Variants in ABAT observed in about 807,000 individuals in gnomAD.
ABAT encodes 4-aminobutyrate aminotransferase, also known as 4-aminobutyrate aminotransferase, mitochondrial.
ABAT carries 45 observed loss-of-function variants against 64.6 expected under a neutral mutation model. That is an observed-to-expected ratio of 0.70 (90% CI 0.55 to 0.89). The LOEUF is 0.89. Among genes scored for constraint, ABAT ranks in the 40% least tolerant of loss-of-function variants. ABAT has a pLI of 0.00. For synonymous variants in ABAT, 297 were observed against 250.5 expected (o/e 1.19, Z -1.75); for missense variants, 633 against 658.4 (o/e 0.96, Z 0.42).
chr16:8,759,740 C>A (rs912902984), intron 6 of ABAT, among the ~76,000 whole-genome samples: 1 of 152,126 alleles, frequency 6.6e-6, no homozygotes, highest in African/African-American at 2.4e-5. Flanking sequence ...GATGGGGTTT[C>A]ACCATGTTGC....
intron 1 of ABAT, among the ~76,000 whole-genome samples, chr16:8,735,062 T>C (rs1267884674): frequency 2.2e-5 from 3 of 137,986 alleles, no homozygotes; most frequent in Non-Finnish European, 4.6e-5. Flanking sequence ...AAAAAATCAC[T>C]GGGCATGGTA....
chr16:8,702,301 G>T (rs1567275724), intron 1 of ABAT, among the ~76,000 whole-genome samples: 1 of 151,676 alleles, frequency 6.6e-6, no homozygotes, highest in Non-Finnish European at 1.5e-5. Flanking sequence ...TGCCCAGGCT[G>T]GAGTGCAATG....
intron 1 of ABAT, among the ~76,000 whole-genome samples, chr16:8,686,732 G>A (rs1241402215): frequency 6.6e-6 from 1 of 152,154 alleles, no homozygotes; most frequent in Non-Finnish European, 1.5e-5. Flanking sequence ...GGACGCCTCT[G>A]CATATGCCCA....
intron 1 of ABAT, among the ~76,000 whole-genome samples, chr16:8,716,053 A>C (rs1046547181): frequency 1.3e-5 from 2 of 152,218 alleles, no homozygotes; most frequent in Non-Finnish European, 2.9e-5. Flanking sequence ...TCCAGTGCCC[A>C]GGCTGGGCAC....
intron 1 of ABAT, among the ~76,000 whole-genome samples, chr16:8,692,245 G>A (rs1293569976): frequency 6.6e-6 from 1 of 152,148 alleles, no homozygotes; most frequent in Non-Finnish European, 1.5e-5. Context: ...GCCAGGCACT[G>A]TGGTTCATGC....
intron 1 of ABAT, among the ~76,000 whole-genome samples, chr16:8,680,469 A>G (rs1454971957): frequency 6.6e-6 from 1 of 152,172 alleles, no homozygotes; most frequent in Non-Finnish European, 1.5e-5. Context: ...TCTGTCACCC[A>G]GGCTGGAGTG....
intron 1 of ABAT, among the ~76,000 whole-genome samples, chr16:8,714,418 G>A (rs551797169): frequency 6.6e-6 from 1 of 152,346 alleles, no homozygotes; most frequent in African/African-American, 2.4e-5. Context: ...AATCTCAGTT[G>A]ACAGCCAGGG....
chr16:8,682,936 G>A (rs137904898), intron 1 of ABAT, among the ~76,000 whole-genome samples: 4 of 152,232 alleles, frequency 2.6e-5, no homozygotes, highest in East Asian at 1.9e-4. Context: ...TTTGAGAAGC[G>A]TATTTTAGAC....
At position 8,774,962 on chromosome 16, in the gene ABAT, C is replaced by T. The variant is rs1280175936; in HGVS notation, c.1027C>T (p.His343Tyr). 6.2e-7 allele frequency: 1 copy of T among 1,614,216 alleles called. No homozygotes were observed. The highest frequency in any genetic ancestry group is 8.5e-7 in the Non-Finnish European group (1 of 1,180,038). Residue 343 changes from histidine (H) to tyrosine (Y), a missense_variant, in exon 13 of 16, where the codon CAC becomes TAC. Physicochemically the swap from His to Tyr is moderately conservative, Grantham distance 83. Transcript: ENST00000268251. ...CACGGGCAAGTTCTGGGCCCATGAG[C>T]ACTGGGGCCTGGATGACCCAGCAGA... ...GCTGKFWAHE[H>Y]WGLDDPADVM... is the part of the protein sequence containing the mutation.
intron 1 of ABAT, among the ~76,000 whole-genome samples, chr16:8,692,443 C>T (rs186752498): frequency 6.6e-6 from 1 of 152,280 alleles, no homozygotes; most frequent in Non-Finnish European, 1.5e-5. Flanking sequence ...CTTTCGGCAA[C>T]ATGGCTAAGA....
At chr16:8,748,069 G>C (rs747715408) in intron 3 of ABAT, 39 bp from the exon 4 acceptor site, 2 of 1,605,186 alleles carry the variant, frequency 1.2e-6, no homozygotes, top group East Asian at 4.5e-5. Context: ...TGGCAAGAGT[G>C]TGGACTTGCT....
At position 8,737,991 on chromosome 16, in the gene ABAT, G is replaced by GGAAGGAAGGAAGGAAGGAAGAAAGAAA. The variant is rs1567295685; in HGVS notation, c.70+2185_70+2186insGGAAGGAAGGAAGGAAGAAAGAAAGAA. 9.4e-4 allele frequency among the ~76,000 whole-genome samples: 14 copies of GGAAGGAAGGAAGGAAGGAAGAAAGAAA among 14,962 alleles called. 2 individuals carry two copies. Among genetic ancestry groups the GGAAGGAAGGAAGGAAGGAAGAAAGAAA allele is most frequent in the Admixed American group, 4.7e-3 (5 of 1,070 alleles). 9.8% of individuals were successfully genotyped at this position (14,962 alleles called of 152,430 possible). Reference sequence around the variant, plus strand: ...AAGGAAGGAAGGAAGGAAGGAAGGAGGAAAGAAAGAAAGAAAGAAAGAAAG... The same window carrying GGAAGGAAGGAAGGAAGGAAGAAAGAAA: ...AAGGAAGGAAGGAAGGAAGGAAGGAGGAAGGAAGGAAGGAAGGAAGAAAGAAAGAAAGAAAGAAAGAAAGAAAGAAAG... On this transcript the variant is annotated intron_variant, in intron 2 of 15. Coordinates refer to ENST00000268251, the MANE Select transcript of ABAT (RefSeq NM_020686.6).
intron 11 of ABAT, among the ~76,000 whole-genome samples, chr16:8,769,579 A>AGG (rs2060045300): frequency 7.2e-6 from 1 of 139,394 alleles, no homozygotes; most frequent in African/African-American, 2.6e-5. Context: ...AAAAAAAAAA[A>AGG]GAGAGAGAGA....
Position 8,776,529 on chromosome 16 carries a change from G to GGCCCCCCCCCCC in ABAT, c.1269+39_1269+40insGCCCCCCCCCCC. The GGCCCCCCCCCCC allele has an allele frequency of 6.5e-7, 1 of 1,549,474 alleles. No homozygotes were observed. ...CCCTGCCCCGCCCCCACCACCCATGGCTCCCCGCAGCAGCCTCCGGGGCAA... is the reference window on the plus strand; with the variant it reads ...CCCTGCCCCGCCCCCACCACCCATGGGCCCCCCCCCCCCTCCCCGCAGCAGCCTCCGGGGCAA... On this transcript the variant is annotated intron_variant, in intron 14 of 15. Coordinates refer to ENST00000268251, the MANE Select transcript of ABAT (RefSeq NM_020686.6). This position sits in a 1 kb window ranked among gnomAD's most constrained non-coding sequence, Gnocchi z 4.4.
At chr16:8,714,379 T>C (rs1488319223) in intron 1 of ABAT, among the ~76,000 whole-genome samples, 2 of 152,340 alleles carry the variant, frequency 1.3e-5, no homozygotes, top group East Asian at 3.9e-4. Flanking sequence ...GCGCTGTCAC[T>C]GGGCATTTCA....
chr16:8,714,596 A>G (rs904827812), intron 1 of ABAT: 9 of 152,374 alleles, frequency 5.9e-5, no homozygotes, highest in African/African-American at 2.2e-4. Context: ...GCAGGGCAAG[A>G]TGTGGGAATC....
intron 1 of ABAT, among the ~76,000 whole-genome samples, chr16:8,730,620 G>C (rs2058690050): frequency 6.6e-6 from 1 of 152,146 alleles, no homozygotes; most frequent in Admixed American, 6.5e-5. Flanking sequence ...ACAGAAGCAG[G>C]GGGTGGGAGA....
chr16:8,726,632 A>G (rs962011311), intron 1 of ABAT, among the ~76,000 whole-genome samples: 17 of 152,198 alleles, frequency 1.1e-4, no homozygotes, highest in East Asian at 7.7e-4. Flanking sequence ...TAGCTATTGT[A>G]AGCAATGCTG....
At chr16:8,731,626 ACTTTT>A (rs1272823897) in intron 1 of ABAT, 2 of 147,810 alleles carry the variant, frequency 1.4e-5, no homozygotes, top group Non-Finnish European at 3.0e-5. Context: ...TTCCTGGATC[ACTTTT>A]CTTTTTTTTT....
Sources: allele counts gnomAD v4.1 joint callset (sites outside exome capture counted in the v4.1 genomes callset), GRCh38; gene constraint gnomAD v4.1.1; non-coding constraint Gnocchi (gnomAD v3.1); transcripts MANE v1.5; gene names NCBI Gene and HGNC (gene_info 2026-07-23, HGNC 2026-07-21).